GNA14: variants seen among roughly 807,000 people sequenced by gnomAD.
The protein encoded by GNA14 is G protein subunit alpha 14, also known as guanine nucleotide-binding protein subunit alpha-14.
In GNA14, 50 loss-of-function variants were observed where a neutral mutation model predicts 42.0. That is an observed-to-expected ratio of 1.19 (90% CI 0.95 to 1.51). The LOEUF is 1.51. GNA14 is among the 40% of genes most tolerant of loss of function. GNA14 has a pLI of 0.00. For synonymous variants in GNA14, 173 were observed against 163.1 expected, an observed-to-expected ratio of 1.06 and a Z score of -0.46; for missense variants, 473 against 446.2, an observed-to-expected ratio of 1.06 and a Z score of -0.54.
chr9:77,577,060 T>C (rs754117754), intron 1 of GNA14, among the ~76,000 whole-genome samples: 2 of 152,192 alleles, frequency 1.3e-5, no homozygotes, highest in African/African-American at 2.4e-5. Flanking sequence ...TTTGAAACAG[T>C]TATACTCCTA....
intron 1 of GNA14, among the ~76,000 whole-genome samples, chr9:77,595,896 AAAC>A (rs1376459326): frequency 1.3e-5 from 2 of 152,054 alleles, no homozygotes; most frequent in Non-Finnish European, 2.9e-5. Flanking sequence ...TTAAAAGCAA[AAAC>A]AAGATATGAG....
chr9:77,591,419 T>C (rs1020102332), intron 1 of GNA14, among the ~76,000 whole-genome samples: 2 of 152,164 alleles, frequency 1.3e-5, no homozygotes, highest in Non-Finnish European at 2.9e-5. Flanking sequence ...TCTCCCTCTT[T>C]TAAATCTGGG....
intron 2 of GNA14, among the ~76,000 whole-genome samples, chr9:77,489,910 A>G (rs1836732259): frequency 6.6e-6 from 1 of 152,164 alleles, no homozygotes; most frequent in Non-Finnish European, 1.5e-5. Context: ...GGACCGGAGC[A>G]GGTTGCCACT....
chr9:77,647,813 C>CCGACGGGG lies in GNA14; in HGVS notation c.-28_-21dup. On this transcript the variant is annotated 5_prime_UTR_variant, in exon 1 of 7. Transcript: ENST00000341700. ...GGCCATGGTGCGCTCAGCTCAGTAC[C>CCGACGGGG]CGACGGGGCGACGCGGCCCCGGGCA... 1 of 1,602,180 alleles carries CCGACGGGG rather than the reference C, an allele frequency of 6.2e-7. No homozygotes were observed. The highest frequency in any genetic ancestry group is 8.5e-7 in the Non-Finnish European group (1 of 1,176,880).
At chr9:77,579,819 T>G (rs558091683) in intron 1 of GNA14, among the ~76,000 whole-genome samples, 200 of 152,202 alleles carry the variant, frequency 1.3e-3, no homozygotes, top group African/African-American at 4.7e-3. Flanking sequence ...TAAGAGTGAG[T>G]TTTTACACTT....
intron 2 of GNA14, among the ~76,000 whole-genome samples, chr9:77,435,987 G>A (rs530139923): frequency 6.6e-6 from 1 of 152,330 alleles, no homozygotes; most frequent in African/African-American, 2.4e-5. Flanking sequence ...CTTGGTAGCT[G>A]GGATCTCAAG....
rs766795495 is a variant in GNA14 at position 77,568,385 on chromosome 9, G to A, written c.125-39132C>T. ...CACATGCCTGTAATCCCAGCTACTC[G>A]GGAGGCTGAGGTAGGAGAATCATTT... is the stretch of plus-strand genomic sequence containing the variant. On this transcript the variant is annotated intron_variant, in intron 1 of 6. Transcript: ENST00000341700. 1.3e-3 allele frequency among the ~76,000 whole-genome samples: 200 copies of A among 151,848 alleles called. 4 individuals are homozygous for A. Among genetic ancestry groups the A allele is most frequent in the South Asian group, 1.5e-3 (7 of 4,780 alleles).
intron 1 of GNA14, among the ~76,000 whole-genome samples, chr9:77,592,579 C>A (rs1420901216): frequency 1.3e-5 from 2 of 152,146 alleles, no homozygotes; most frequent in African/African-American, 4.8e-5. Context: ...CCCCAGTCAC[C>A]ACCACTCCCT....
At chr9:77,485,460 T>G (rs935121572) in intron 2 of GNA14, among the ~76,000 whole-genome samples, 1 of 152,304 alleles carries the variant, frequency 6.6e-6, no homozygotes, top group Non-Finnish European at 1.5e-5. Flanking sequence ...TGGAATCAAC[T>G]TATGCCTAAC....
intron 1 of GNA14, among the ~76,000 whole-genome samples, chr9:77,549,826 C>T (rs2131780982): frequency 6.6e-6 from 1 of 152,220 alleles, no homozygotes; most frequent in South Asian, 2.1e-4. Context: ...GGGACCGTGC[C>T]TATTTGTAGC....
At chr9:77,633,158 A>C (rs1824125729) in intron 1 of GNA14, among the ~76,000 whole-genome samples, 1 of 152,212 alleles carries the variant, frequency 6.6e-6, no homozygotes. Flanking sequence ...TCAAACTAGG[A>C]AAAGCACTAT....
At chr9:77,556,644 C>T (rs1174325712) in intron 1 of GNA14, among the ~76,000 whole-genome samples, 1 of 152,112 alleles carries the variant, frequency 6.6e-6, no homozygotes, top group Non-Finnish European at 1.5e-5. Flanking sequence ...TTCTCCCCCT[C>T]CTCTCTCACT....
At chr9:77,573,349 T>G (rs1238073873) in intron 1 of GNA14, among the ~76,000 whole-genome samples, 1 of 151,972 alleles carries the variant, frequency 6.6e-6, no homozygotes, top group Non-Finnish European at 1.5e-5. Flanking sequence ...CTCAGGAAGC[T>G]GAGGCAGGAG....
intron 2 of GNA14, among the ~76,000 whole-genome samples, chr9:77,504,870 G>A (rs539838999): frequency 5.9e-5 from 9 of 151,832 alleles, no homozygotes; most frequent in African/African-American, 9.7e-5. Flanking sequence ...GTTTCATCAC[G>A]TTGGGCAGGA....
intron 1 of GNA14, among the ~76,000 whole-genome samples, chr9:77,588,696 C>T (rs1306257959): frequency 6.6e-6 from 1 of 152,180 alleles, no homozygotes; most frequent in Non-Finnish European, 1.5e-5. Context: ...ATAAAAGTTG[C>T]TAATCCCCCT....
intron 2 of GNA14, among the ~76,000 whole-genome samples, chr9:77,492,632 A>C (rs1836794798): frequency 6.6e-6 from 1 of 152,088 alleles, no homozygotes; most frequent in South Asian, 2.1e-4. Flanking sequence ...GAAAACCCTA[A>C]CGCAATGTAT....
intron 1 of GNA14, among the ~76,000 whole-genome samples, chr9:77,644,203 G>A (rs1458088449): frequency 6.6e-6 from 1 of 152,076 alleles, no homozygotes; most frequent in East Asian, 1.9e-4. Flanking sequence ...AGTGGCTCAT[G>A]CCTGTAATCC....
rs552938052 is a variant in GNA14 at position 77,493,771 on chromosome 9, G to A, written c.309+35298C>T. On this transcript the variant is annotated intron_variant, in intron 2 of 6. Coordinates refer to ENST00000341700, the MANE Select transcript of GNA14 (RefSeq NM_004297.4). ...TTTTAATTTTGTAAACGGATGGGAT[G>A]GAAGGATTTGCAATGCCCTATCATT... is the stretch of plus-strand genomic sequence containing the variant. Among the ~76,000 whole-genome samples the A allele has an allele frequency of 8.5e-5, 13 of 152,214 alleles. No individual in the cohort carries two copies. In the East Asian group the frequency reaches 1.9e-3, roughly 23 times the overall value.
chr9:77,580,936 A>C (rs936430316), intron 1 of GNA14, among the ~76,000 whole-genome samples: 2 of 152,096 alleles, frequency 1.3e-5, no homozygotes, highest in Non-Finnish European at 2.9e-5. Flanking sequence ...GAAGTGAAGG[A>C]AAAAGCAGCT....
Sources: gnomAD v4.1 joint callset for allele counts (sites outside exome capture counted in the v4.1 genomes callset) on GRCh38, gnomAD v4.1.1 for gene constraint, MANE v1.5 for transcripts, NCBI Gene and HGNC (gene_info 2026-07-23, HGNC 2026-07-21) for gene names.